Variants in CACNA2D1 observed in about 807,000 individuals in gnomAD.
CACNA2D1 encodes the protein voltage-dependent calcium channel subunit alpha-2/delta-1.
In CACNA2D1, 53 loss-of-function variants were observed where a neutral mutation model predicts 171.5. That is an observed-to-expected ratio of 0.31 (90% CI 0.25 to 0.39). The LOEUF (loss-of-function observed/expected upper bound fraction) is 0.39. Among genes scored for constraint, CACNA2D1 ranks in the 10% least tolerant of loss-of-function variants. CACNA2D1 has a pLI of 1.00. For missense variants in CACNA2D1, 903 were observed against 1,299.8 expected, an observed-to-expected ratio of 0.69 and a Z score of 4.69; for synonymous variants, 442 against 443.1, an observed-to-expected ratio of 1.00 and a Z score of 0.03.
intron 3 of CACNA2D1, among the ~76,000 whole-genome samples, chr7:82,217,794 C>T (rs1175609357): frequency 6.6e-6 from 1 of 151,352 alleles, no homozygotes; most frequent in Non-Finnish European, 1.5e-5. Context: ...TTGAAAACTA[C>T]TTTTCAGCTA....
chr7:82,192,454 TTGTGTTTGTGTGTG>T (rs1798403365), intron 3 of CACNA2D1, among the ~76,000 whole-genome samples: 3 of 94,710 alleles, frequency 3.2e-5, no homozygotes, highest in East Asian at 3.0e-4. Context: ...GTATGTGTGT[TTGTGTTTGTGTGTG>T]TGTGTGTGTG....
chr7:82,203,846 T>C (rs1799731951), intron 3 of CACNA2D1, among the ~76,000 whole-genome samples: 1 of 151,648 alleles, frequency 6.6e-6, no homozygotes, highest in South Asian at 2.1e-4. Context: ...TGCAGACAAC[T>C]TACCTAATAG....
chr7:82,096,558 T>C (rs1167222387), intron 6 of CACNA2D1, among the ~76,000 whole-genome samples: 1 of 151,258 alleles, frequency 6.6e-6, no homozygotes. Flanking sequence ...CATGGAAATA[T>C]TAATATAAAG....
At chr7:82,409,570 A>G (rs1174368510) in intron 1 of CACNA2D1, among the ~76,000 whole-genome samples, 1 of 152,166 alleles carries the variant, frequency 6.6e-6, no homozygotes, top group Non-Finnish European at 1.5e-5. Context: ...TGCCAGGCCA[A>G]TTATCCTCAT....
chr7:82,135,921 T>C (rs146120617), intron 5 of CACNA2D1, among the ~76,000 whole-genome samples: 64 of 152,304 alleles, frequency 4.2e-4, no homozygotes, highest in African/African-American at 5.1e-4. Context: ...TAAGTATACA[T>C]AGGCATTTTT....
intron 5 of CACNA2D1, among the ~76,000 whole-genome samples, chr7:82,135,244 G>A (rs577071456): frequency 9.2e-5 from 14 of 152,096 alleles, no homozygotes; most frequent in African/African-American, 2.9e-4. Flanking sequence ...CAGGAAGGTT[G>A]ATGAAGATTT....
intron 1 of CACNA2D1, among the ~76,000 whole-genome samples, chr7:82,360,777 T>C (rs1187854528): frequency 3.3e-5 from 5 of 152,212 alleles, no homozygotes; most frequent in South Asian, 2.1e-4. Context: ...AGGACCCAAA[T>C]TGACTCATGT....
At chr7:81,991,361 C>A in intron 20 of CACNA2D1, 115 bp from the exon 21 acceptor site, 1 of 680,160 alleles carries the variant, frequency 1.5e-6, no homozygotes. Flanking sequence ...CTCATCTTTA[C>A]AAAGGTATGA....
At chr7:82,132,575 C>T (rs1003943094) in intron 5 of CACNA2D1, among the ~76,000 whole-genome samples, 2 of 152,014 alleles carry the variant, frequency 1.3e-5, no homozygotes, top group African/African-American at 2.4e-5. Context: ...TAATCTAGAA[C>T]GCAAAAAGAA....
At chr7:81,958,299 C>T (rs142823724) in intron 38 of CACNA2D1, among the ~76,000 whole-genome samples, 2,357 of 151,846 alleles carry the variant, frequency 0.016, 35 homozygotes, top group Non-Finnish European at 0.024. Flanking sequence ...ATGTTTTGTC[C>T]TTTCTGGGAC....
At chr7:82,158,044 T>C (rs1794549494) in intron 4 of CACNA2D1, among the ~76,000 whole-genome samples, 1 of 151,930 alleles carries the variant, frequency 6.6e-6, no homozygotes, top group Non-Finnish European at 1.5e-5. Context: ...TACAAATGTT[T>C]ACATATGAAA....
intron 3 of CACNA2D1, among the ~76,000 whole-genome samples, chr7:82,333,755 C>A (rs915635244): frequency 6.6e-6 from 1 of 151,246 alleles, no homozygotes; most frequent in African/African-American, 2.4e-5. Context: ...TTTATAAATG[C>A]CCTAGAAAAA....
chr7:82,198,424 G>A (rs141172077), intron 3 of CACNA2D1, among the ~76,000 whole-genome samples: 111 of 152,138 alleles, frequency 7.3e-4, no homozygotes, highest in Non-Finnish European at 1.1e-3. Flanking sequence ...GAGCTACAGG[G>A]CTCGAAGGCA....
chr7:82,120,616 C>G (rs1354170373), intron 5 of CACNA2D1, among the ~76,000 whole-genome samples: 1 of 152,122 alleles, frequency 6.6e-6, no homozygotes. Flanking sequence ...GTGGCTCACA[C>G]TTGTAATTCT....
intron 7 of CACNA2D1, among the ~76,000 whole-genome samples, chr7:82,084,060 T>TA (rs1408770016): frequency 1.3e-5 from 2 of 152,152 alleles, no homozygotes; most frequent in African/African-American, 4.8e-5. Context: ...GTGGAGAAAG[T>TA]AAAAAACACC....
In CACNA2D1 at chr7:82,005,499, T is replaced by G; in HGVS notation, c.1516-2A>C. ...AAAGTAATACCCATTGGGGCACAGC[T>G]GGAAAAGAAAAAAAAAAAAAAGCTT... is the stretch of plus-strand genomic sequence containing the variant. On this transcript the variant is annotated splice_acceptor_variant, in intron 17 of 38. Transcript: ENST00000356860. LOFTEE classifies it high-confidence loss of function. 6.4e-7 allele frequency: 1 copy of G among 1,553,154 alleles called. No homozygotes were observed. The highest frequency in any genetic ancestry group is 8.8e-7 in the Non-Finnish European group (1 of 1,142,530).
chr7:81,984,281 G>A (rs1189139301), intron 22 of CACNA2D1, among the ~76,000 whole-genome samples: 1 of 152,186 alleles, frequency 6.6e-6, no homozygotes, highest in Non-Finnish European at 1.5e-5. Context: ...ACAGTGCCAT[G>A]AGAGTAGAGA....
intron 20 of CACNA2D1, among the ~76,000 whole-genome samples, chr7:81,992,737 T>A (rs1797678332): frequency 6.6e-6 from 1 of 152,202 alleles, no homozygotes; most frequent in Admixed American, 6.5e-5. Flanking sequence ...TTATTACTAA[T>A]TTTTTAGTCA....
intron 1 of CACNA2D1, among the ~76,000 whole-genome samples, chr7:82,417,282 CA>C (rs1241587673): frequency 6.6e-6 from 1 of 152,106 alleles, no homozygotes; most frequent in Non-Finnish European, 1.5e-5. Flanking sequence ...AGACTACAGG[CA>C]AAAACCAGAG....
Sources: allele counts gnomAD v4.1 joint callset (sites outside exome capture counted in the v4.1 genomes callset), GRCh38; gene constraint gnomAD v4.1.1; transcripts MANE v1.5; gene names NCBI Gene and HGNC (gene_info 2026-07-23, HGNC 2026-07-21).